SBNO2: variants seen among roughly 807,000 people sequenced by gnomAD.
SBNO2 encodes the protein protein strawberry notch homolog 2.
A neutral mutation model predicts 146.3 loss-of-function variants in SBNO2; 89 were observed. That is an observed-to-expected ratio of 0.61 (90% CI 0.51 to 0.73). SBNO2 has a LOEUF of 0.73. SBNO2 is among the 30% of genes least tolerant of loss of function. SBNO2 has a pLI of 0.00. For synonymous variants in SBNO2, 1,147 were observed against 892.6 expected (o/e 1.29, Z -5.08); for missense variants, 2,092 against 2,003.7 (o/e 1.04, Z -0.84).
intron 1 of SBNO2, among the ~76,000 whole-genome samples, chr19:1,170,970 T>TAC (rs906628512): frequency 2.0e-5 from 3 of 149,182 alleles, no homozygotes; most frequent in Admixed American, 6.6e-5. Flanking sequence ...ACCACCAAAA[T>TAC]ACACACACAC....
chr19:1,142,312 CCG>C (rs2080148793), intron 4 of SBNO2, among the ~76,000 whole-genome samples: 1 of 87,116 alleles, frequency 1.1e-5, no homozygotes. Context: ...CCTCCCCAGG[CCG>C]TGAAGGCTCT....
intron 1 of SBNO2, among the ~76,000 whole-genome samples, chr19:1,164,189 G>A (rs920653826): frequency 7.2e-6 from 1 of 139,074 alleles, no homozygotes; most frequent in African/African-American, 2.4e-5. Context: ...TTCCGGAGGG[G>A]CCAAGGGGCT....
chr19:1,146,708 G>A (rs138257276), intron 4 of SBNO2, among the ~76,000 whole-genome samples: 2 of 149,266 alleles, frequency 1.3e-5, no homozygotes, highest in Non-Finnish European at 3.0e-5. Context: ...AACCCCTTGG[G>A]GAAGGCTGTG....
In SBNO2 at chr19:1,122,166, G is replaced by A; in HGVS notation, c.1122C>T (p.Asp374=). ...QHRTRLRQIL[D]WCGEAFEGVI... is the part of the protein sequence containing the mutation. ...CGCCCTCGAAGGCCTCCCCACACCA[G>A]TCCAGGATCTGCCGGAGGCGAGTGC... is the stretch of plus-strand genomic sequence containing the variant. Residue 374 remains aspartate (D), a synonymous_variant, in exon 11 of 32, where the codon GAC becomes GAT. Transcript: ENST00000361757. 2.0e-6 allele frequency: 3 copies of A among 1,519,206 alleles called. No homozygotes were observed. In the South Asian group the frequency reaches 3.8e-5, roughly 19 times the overall value. 94.1% of individuals were successfully genotyped at this position (1,519,206 alleles called of 1,614,324 possible).
Position 1,147,410 on chromosome 19 carries a change from T to A in SBNO2, c.178A>T (p.Ser60Cys). Residue 60 changes from serine (S) to cysteine (C), a missense_variant, in exon 4 of 32, where the codon AGC (serine) becomes TGC (cysteine). Ser to Cys is a moderately radical substitution (Grantham distance 112). Transcript: ENST00000361757. The part of the protein sequence containing the change: ...AFSSDSRPFM[S>C]SASFLGSQPC... ...TGGCTGCCGAGGAAGGAGGCGGAGC[T>A]CATGAACGGGCTGGAGGGAGATGGG... The A allele has an allele frequency of 9.2e-7, 1 of 1,087,354 alleles. No homozygotes were observed. Among genetic ancestry groups the A allele is most frequent in the Non-Finnish European group, 1.3e-6 (1 of 793,194 alleles). 67.4% of individuals were successfully genotyped at this position (1,087,354 alleles called of 1,614,324 possible).
chr19:1,160,284 T>C (rs904410745), intron 1 of SBNO2, among the ~76,000 whole-genome samples: 1 of 152,118 alleles, frequency 6.6e-6, no homozygotes, highest in African/African-American at 2.4e-5. Context: ...CAGGCCCTCA[T>C]GGGCAGCCCC....
At chr19:1,131,984 T>C (rs2080034020) in intron 4 of SBNO2, 1 of 766,174 alleles carries the variant, frequency 1.3e-6, no homozygotes, top group Non-Finnish European at 2.0e-6. Context: ...GACTCTAGGA[T>C]GAGATGCCGG....
Position 1,108,279 on chromosome 19 carries a change from CG to C in SBNO2, c.4041del (p.Glu1348SerfsTer5). 2 of 1,510,706 alleles carry C rather than the reference CG, an allele frequency of 1.3e-6. No homozygotes were observed. The highest frequency in any genetic ancestry group is 1.8e-6 in the Non-Finnish European group (2 of 1,127,760). The allele number at this position is 1,510,706 out of a possible 1,614,324, so 93.6% of individuals were successfully genotyped here. A position where few individuals can be genotyped will look rare whatever the true frequency, so the allele number is the denominator to read the frequency against. ...CTGAACTGGATCACGCTCTGCCGCT[CG>C]GGACCACCGCCCGCCGCGCCCCCCG... ...AGAGGAAGGG[P>X]ERQSVIQFSP... On this transcript the variant is annotated frameshift_variant, in exon 32 of 32. Coordinates refer to ENST00000361757, the MANE Select transcript of SBNO2 (RefSeq NM_014963.3). LOFTEE classifies it high-confidence loss of function.
At position 1,110,174 on chromosome 19, in the gene SBNO2, C is replaced by T. The variant is rs553452929; in HGVS notation, c.3029-397G>A. Among the ~76,000 whole-genome samples, 4 of 152,174 alleles carry T rather than the reference C, an allele frequency of 2.6e-5. No individual in the cohort carries two copies. In the South Asian group the frequency reaches 6.2e-4, roughly 24 times the overall value. ...TGACCCCAAGCAGGCTGTGGGGGAT[C>T]GTGGGAGCCTGGTTGGCTGCGGCAC... On this transcript the variant is annotated intron_variant, in intron 26 of 31. Coordinates refer to ENST00000361757, the MANE Select transcript of SBNO2 (RefSeq NM_014963.3). This position sits in a 1 kb window ranked among gnomAD's most constrained non-coding sequence, Gnocchi z 4.9.
intron 17 of SBNO2, chr19:1,115,468 TGA>T (rs57646170): frequency 0.04 from 6,102 of 153,484 alleles, 415 homozygotes; most frequent in African/African-American, 0.14. Context: ...CTTAAACTCC[TGA>T]CCTCAGGTGA....
At chr19:1,146,780 C>T (rs1480034450) in intron 4 of SBNO2, among the ~76,000 whole-genome samples, 60 of 95,936 alleles carry the variant, frequency 6.3e-4, no homozygotes, top group African/African-American at 2.4e-3. Flanking sequence ...GGGTGGGGTC[C>T]GCCTGATGCC....
At chr19:1,124,808 G>C (rs2079946305) in intron 5 of SBNO2, among the ~76,000 whole-genome samples, 2 of 152,162 alleles carry the variant, frequency 1.3e-5, no homozygotes, top group African/African-American at 4.8e-5. Context: ...AGGTGTGCTG[G>C]GCCTCTGGAT....
At chr19:1,163,428 G>A (rs1375066730) in intron 1 of SBNO2, among the ~76,000 whole-genome samples, 1 of 152,204 alleles carries the variant, frequency 6.6e-6, no homozygotes, top group East Asian at 1.9e-4. Flanking sequence ...TCCAGGACAG[G>A]GACAGGCTGC....
chr19:1,142,024 T>C (rs1306598731), intron 4 of SBNO2, among the ~76,000 whole-genome samples: 1 of 145,624 alleles, frequency 6.9e-6, no homozygotes, highest in African/African-American at 2.5e-5. Flanking sequence ...TGAGCCATGA[T>C]CAACCCTCCC....
rs1228137732 is a variant in SBNO2, at chr19:1,112,602, C to CCT, written c.2380-67_2380-66dup. The CCT allele has an allele frequency of 8.6e-6, 13 of 1,505,744 alleles. No individual in the cohort carries two copies. The highest frequency in any genetic ancestry group is 1.2e-5 in the Non-Finnish European group (13 of 1,130,386). 93.3% of individuals were successfully genotyped at this position (1,505,744 alleles called of 1,614,324 possible). A position where few individuals can be genotyped will look rare whatever the true frequency, so the allele number is the denominator to read the frequency against. ...GCCCGCCCCAGCGTTGCCGCCACCT[C>CCT]CTCACCCACTAGGCCCCCGCTCCAG... On this transcript the variant is annotated intron_variant, in intron 20 of 31. Coordinates refer to ENST00000361757, the MANE Select transcript of SBNO2 (RefSeq NM_014963.3). The surrounding 1 kb of genome is among the most constrained non-coding windows in gnomAD (Gnocchi z 5.9).
Position 1,126,361 on chromosome 19 carries a change from T to C in SBNO2, c.441+1243A>G, listed in dbSNP as rs749404259. Among the ~76,000 whole-genome samples the C allele has an allele frequency of 2.6e-5, 4 of 151,944 alleles. No individual in the cohort carries two copies. The highest frequency in any genetic ancestry group is 4.4e-5 in the Non-Finnish European group (3 of 67,954). Reference sequence around the variant, plus strand: ...CCATTCCCGGTGGGGCTGGCGGGCATTGGGTTTCAGATGCCCTCGTGCCGG... The same window carrying C: ...CCATTCCCGGTGGGGCTGGCGGGCACTGGGTTTCAGATGCCCTCGTGCCGG... On this transcript the variant is annotated intron_variant, in intron 5 of 31. Coordinates refer to ENST00000361757, the MANE Select transcript of SBNO2 (RefSeq NM_014963.3). The surrounding 1 kb of genome is among the most constrained non-coding windows in gnomAD (Gnocchi z 4.4).
chr19:1,112,865 C>A lies in SBNO2; in HGVS notation c.2332G>T (p.Asp778Tyr). 6.3e-7 allele frequency: 1 copy of A among 1,575,718 alleles called. No homozygotes were observed. The highest frequency in any genetic ancestry group is 8.6e-7 in the Non-Finnish European group (1 of 1,162,354). Residue 778 changes from aspartate (D) to tyrosine (Y), a missense_variant, in exon 20 of 32, where the codon GAC becomes TAC. By Grantham distance (160) the Asp-to-Tyr change is radical (BLOSUM62 -3). Transcript: ENST00000361757. The surrounding 1 kb of genome is among the most constrained non-coding windows in gnomAD (Gnocchi z 5.9). Reference protein sequence around the residue: ...ESRAEQGLSIDHVNLREKQRF... With the variant: ...ESRAEQGLSIYHVNLREKQRF... ...TGCTTCTCCCTGAGGTTCACGTGGTCGATGGACAGACCCTGCTCTGCCCGC... is the reference window on the plus strand; with the variant it reads ...TGCTTCTCCCTGAGGTTCACGTGGTAGATGGACAGACCCTGCTCTGCCCGC...
intron 1 of SBNO2, among the ~76,000 whole-genome samples, chr19:1,165,911 C>CCCCAGAT (rs201642289): frequency 1.2e-5 from 1 of 86,066 alleles, no homozygotes; most frequent in Non-Finnish European, 2.7e-5. Context: ...GACCCCCAGA[C>CCCCAGAT]CCCAGATCCC....
At chr19:1,116,780 G>A (rs1479668908) in intron 16 of SBNO2, 49 bp downstream of exon 16, 31 of 1,475,762 alleles carry the variant, frequency 2.1e-5, no homozygotes, top group Admixed American at 6.0e-5. Context: ...AGAGAGGGGT[G>A]GCCATGAGCG....
Sources: allele counts gnomAD v4.1 joint callset (sites outside exome capture counted in the v4.1 genomes callset), GRCh38; gene constraint gnomAD v4.1.1; non-coding constraint Gnocchi (gnomAD v3.1); transcripts MANE v1.5; gene names NCBI Gene and HGNC (gene_info 2026-07-23, HGNC 2026-07-21).